The following SYT16 variants were observed in gnomAD, a reference collection of about 807,000 sequenced individuals.
SYT16 encodes synaptotagmin-16.
In SYT16, 42 loss-of-function variants were observed where a neutral mutation model predicts 61.4. The observed-to-expected ratio is 0.68, with a 90% confidence interval of 0.53 to 0.89. SYT16 has a LOEUF of 0.89. Among genes scored for constraint, SYT16 ranks in the 40% least tolerant of loss-of-function variants. The probability of loss-of-function intolerance (pLI) is 0.00; values close to 1 mark genes in which losing one functional copy is unlikely to be tolerated. For missense variants in SYT16, 804 were observed against 807.3 expected (o/e 1.00, Z 0.05); for synonymous variants, 314 against 302.3 (o/e 1.04, Z -0.40).
chr14:61,817,881 T>C (rs1030768141), intron 1 of SYT16, among the ~76,000 whole-genome samples: 7 of 152,228 alleles, frequency 4.6e-5, no homozygotes, highest in African/African-American at 1.4e-4. Flanking sequence ...TGCATTTATA[T>C]GTATATGTGT....
intron 1 of SYT16, among the ~76,000 whole-genome samples, chr14:61,955,336 C>T (rs2050830830): frequency 6.6e-6 from 1 of 152,038 alleles, no homozygotes; most frequent in Non-Finnish European, 1.5e-5. Context: ...AAATTTTTTA[C>T]ATATACAATA....
chr14:62,048,023 A>G (rs552735918), intron 3 of SYT16, among the ~76,000 whole-genome samples: 28 of 152,182 alleles, frequency 1.8e-4, no homozygotes, highest in Non-Finnish European at 3.4e-4. Context: ...CTCTTTTTCT[A>G]TTGATTGGAA....
intron 7 of SYT16, among the ~76,000 whole-genome samples, chr14:62,094,101 C>T (rs1019464391): frequency 6.6e-6 from 1 of 152,042 alleles, no homozygotes; most frequent in African/African-American, 2.4e-5. Context: ...TGACATTTAT[C>T]ACTTCTCATA....
At position 61,902,839 on chromosome 14, in the gene SYT16, T is replaced by C. The variant is rs2048570738; in HGVS notation, c.-324-67293T>C. ...GAGCCAAGTGCAATTGGTTTCCCCT[T>C]ACAAAGCCATCAGATCTTGTGAGAT... On this transcript the variant is annotated intron_variant, in intron 1 of 7. Transcript: ENST00000683842. 2.6e-5 allele frequency among the ~76,000 whole-genome samples: 4 copies of C among 152,168 alleles called. No homozygotes were observed. In the South Asian group the frequency reaches 8.3e-4, roughly 32 times the overall value.
intron 7 of SYT16, among the ~76,000 whole-genome samples, chr14:62,088,801 G>A (rs890672512): frequency 6.6e-6 from 1 of 151,996 alleles, no homozygotes; most frequent in Non-Finnish European, 1.5e-5. Flanking sequence ...GACCTCCACT[G>A]TACTATTATT....
intron 3 of SYT16, among the ~76,000 whole-genome samples, chr14:62,001,601 A>G (rs1018974407): frequency 7.9e-5 from 10 of 127,202 alleles, no homozygotes; most frequent in African/African-American, 3.3e-4. Flanking sequence ...TGTGTTTTCT[A>G]AGCTTATTAG....
At chr14:62,058,908 A>G (rs2055692924) in intron 3 of SYT16, among the ~76,000 whole-genome samples, 1 of 152,216 alleles carries the variant, frequency 6.6e-6, no homozygotes, top group Non-Finnish European at 1.5e-5. Flanking sequence ...GAATGAGATC[A>G]TGTCCTTTGC....
intron 2 of SYT16, among the ~76,000 whole-genome samples, chr14:61,993,380 G>T (rs1595102852): frequency 6.6e-6 from 1 of 151,786 alleles, no homozygotes; most frequent in South Asian, 2.1e-4. Context: ...GTATACCTAT[G>T]TAACAAACCT....
intron 1 of SYT16, among the ~76,000 whole-genome samples, chr14:61,870,186 G>A (rs1340985396): frequency 6.6e-6 from 1 of 151,984 alleles, no homozygotes; most frequent in Admixed American, 6.6e-5. Context: ...TTTAGATTTT[G>A]CATGTCTGAA....
chr14:62,091,869 T>C (rs1279804239), intron 7 of SYT16, among the ~76,000 whole-genome samples: 1 of 152,076 alleles, frequency 6.6e-6, no homozygotes, highest in Non-Finnish European at 1.5e-5. Context: ...TTCATGTAAG[T>C]TCAAAAATTT....
At chr14:61,937,346 C>A (rs1014637801) in intron 1 of SYT16, among the ~76,000 whole-genome samples, 3 of 152,190 alleles carry the variant, frequency 2.0e-5, no homozygotes, top group African/African-American at 7.2e-5. Context: ...AAAGAAAAGG[C>A]GATCCTTTGC....
Position 61,996,127 on chromosome 14 carries a change from T to G in SYT16, c.108T>G (p.Ser36=), listed in dbSNP as rs1272904418. ...TCCAGCAAGCAGGAGATATGTTATCTGCTTCGCTGGTTAACATAAGCAAAC... is the reference window on the plus strand; with the variant it reads ...TCCAGCAAGCAGGAGATATGTTATCGGCTTCGCTGGTTAACATAAGCAAAC... ...EALQQAGDML[S]ASLVNISKQD... The change falls in exon 3 of 8, where the codon TCT becomes TCG. Residue 36 remains serine (S), a synonymous_variant. Transcript: ENST00000683842. 2 of 1,613,258 alleles carry G rather than the reference T, an allele frequency of 1.2e-6. No individual in the cohort carries two copies. Among genetic ancestry groups the G allele is most frequent in the African/African-American group, 2.7e-5 (2 of 74,878 alleles).
chr14:62,088,518 TTATC>T (rs1336130006), intron 7 of SYT16, among the ~76,000 whole-genome samples: 1 of 152,238 alleles, frequency 6.6e-6, no homozygotes, highest in Non-Finnish European at 1.5e-5. Flanking sequence ...TTAAAATTTT[TTATC>T]TATATATTGA....
chr14:61,981,077 C>T (rs374053169), intron 2 of SYT16, among the ~76,000 whole-genome samples: 1 of 152,140 alleles, frequency 6.6e-6, no homozygotes, highest in Non-Finnish European at 1.5e-5. Context: ...ATCCAGGGAA[C>T]AGCCAATTTT....
intron 5 of SYT16, among the ~76,000 whole-genome samples, chr14:62,078,172 A>ATAAACACACAC (rs2056576554): frequency 3.4e-3 from 437 of 128,790 alleles, no homozygotes; most frequent in Non-Finnish European, 5.2e-3. Flanking sequence ...TATATATATA[A>ATAAACACACAC]ACACACACAC....
intron 3 of SYT16, among the ~76,000 whole-genome samples, chr14:62,068,672 T>C (rs1450315464): frequency 6.6e-6 from 1 of 152,248 alleles, no homozygotes; most frequent in African/African-American, 2.4e-5. Context: ...CATCATGTTG[T>C]AAACCTCAAA....
intron 2 of SYT16, among the ~76,000 whole-genome samples, chr14:61,994,695 A>G (rs191501708): frequency 1.3e-5 from 2 of 152,112 alleles, no homozygotes; most frequent in Non-Finnish European, 2.9e-5. Context: ...ATAGGGGGGA[A>G]ATGTGGAGAA....
At chr14:62,024,573 A>G (rs916647077) in intron 3 of SYT16, among the ~76,000 whole-genome samples, 1 of 152,018 alleles carries the variant, frequency 6.6e-6, no homozygotes, top group Non-Finnish European at 1.5e-5. Flanking sequence ...TCCCCCCACT[A>G]TCATTCTTCT....
chr14:62,084,402 T>A lies in SYT16; in HGVS notation c.1624+17T>A. On this transcript the variant is annotated intron_variant, in intron 7 of 7. Coordinates refer to ENST00000683842, the MANE Select transcript of SYT16 (RefSeq NM_001367656.1). The stretch of plus-strand genomic sequence containing the variant: ...GAGCACCTGGTAAGTGTGAGTCTGT[T>A]CTCCCAGCTCTGGTTCTTCCAGAGG... 1.9e-6 allele frequency: 3 copies of A among 1,602,092 alleles called. No homozygotes were observed. Among genetic ancestry groups the A allele is most frequent in the Non-Finnish European group, 2.5e-6 (3 of 1,176,718 alleles).
Sources: allele counts gnomAD v4.1 joint callset (sites outside exome capture counted in the v4.1 genomes callset), GRCh38; gene constraint gnomAD v4.1.1; transcripts MANE v1.5; gene names NCBI Gene and HGNC (gene_info 2026-07-23, HGNC 2026-07-21).